Variants in NUGGC observed in about 807,000 individuals in gnomAD.
The protein encoded by NUGGC is nuclear GTPase SLIP-GC.
In NUGGC, 58 loss-of-function variants were observed where a neutral mutation model predicts 92.6. The observed-to-expected ratio is 0.63, with a 90% CI of 0.51 to 0.78. The LOEUF (loss-of-function observed/expected upper bound fraction) is 0.78. Among genes scored for constraint, NUGGC ranks in the 30% least tolerant of loss-of-function variants. NUGGC has a pLI of 0.00. For missense variants in NUGGC, 925 were observed against 964.6 expected, an observed-to-expected ratio of 0.96 and a Z score of 0.54; for synonymous variants, 376 against 366.4, an observed-to-expected ratio of 1.03 and a Z score of -0.30.
chr8:28,035,701 G>A (rs574288595), intron 13 of NUGGC, among the ~76,000 whole-genome samples: 6 of 152,262 alleles, frequency 3.9e-5, no homozygotes, highest in East Asian at 1.9e-4. Flanking sequence ...CTGATTCAAC[G>A]TGGGGGAGAC....
At position 28,035,141 on chromosome 8, in the gene NUGGC, T is replaced by A. The variant is rs115087743; in HGVS notation, c.1612-1444A>T. 6.0e-3 allele frequency among the ~76,000 whole-genome samples: 907 copies of A among 152,098 alleles called. 13 individuals carry two copies. The highest frequency in any genetic ancestry group is 0.021 in the African/African-American group (866 of 41,530). On this transcript the variant is annotated intron_variant, in intron 13 of 18. Coordinates refer to ENST00000413272, the MANE Select transcript of NUGGC (RefSeq NM_001010906.2). The stretch of plus-strand genomic sequence containing the variant: ...GTTGCTTCTTCTGCTCACAGCAAAC[T>A]CTCAACAGGGTGATCTCTGCCTCAT...
chr8:28,049,153 T>C (rs1346756698), intron 10 of NUGGC, among the ~76,000 whole-genome samples: 3 of 152,190 alleles, frequency 2.0e-5, no homozygotes, highest in African/African-American at 7.2e-5. Context: ...CCACTGGGAC[T>C]GGTGAGAAGC....
chr8:28,060,123 A>G (rs1362000299), intron 8 of NUGGC, among the ~76,000 whole-genome samples: 2 of 151,956 alleles, frequency 1.3e-5, no homozygotes, highest in African/African-American at 4.8e-5. Context: ...TGGGATCATC[A>G]CATCACACAG....
intron 6 of NUGGC, among the ~76,000 whole-genome samples, chr8:28,065,682 G>C (rs1810423789): frequency 6.6e-6 from 1 of 152,116 alleles, no homozygotes; most frequent in Admixed American, 6.5e-5. Context: ...GGGGATTTGG[G>C]ATGTATGGTG....
At position 28,022,078 on chromosome 8, in the gene NUGGC, G is replaced by T. The variant is rs997549; in HGVS notation, c.*1239C>A. On this transcript the variant is annotated 3_prime_UTR_variant, in exon 19 of 19. Coordinates refer to ENST00000413272, the MANE Select transcript of NUGGC (RefSeq NM_001010906.2). Reference sequence around the variant, plus strand: ...TTCTTTTTATGGCTTGTTTTATATCGTGCAATGTTTTTTCTATAATGTTTA... The same window carrying T: ...TTCTTTTTATGGCTTGTTTTATATCTTGCAATGTTTTTTCTATAATGTTTA... 0.54 allele frequency: 81,496 copies of T among 150,196 alleles called. 22,712 individuals carry two copies. The highest frequency in any genetic ancestry group is 0.6 in the Middle Eastern group (177 of 296). The allele number at this position is 150,196 out of a possible 1,614,324, so 9.3% of individuals were successfully genotyped here.
Position 28,069,553 on chromosome 8 carries a change from T to C in NUGGC, c.248A>G (p.Lys83Arg), listed in dbSNP as rs766530134. 23 of 1,559,074 alleles carry C rather than the reference T, an allele frequency of 1.5e-5. No homozygotes were observed. The highest frequency in any genetic ancestry group is 2.7e-5 in the African/African-American group (2 of 73,714). The change falls in exon 4 of 19, where the codon AAG (lysine) becomes AGG (arginine). Residue 83 changes from lysine to arginine, a missense_variant. Lys to Arg is a conservative substitution (Grantham distance 26). Coordinates refer to ENST00000413272, the MANE Select transcript of NUGGC (RefSeq NM_001010906.2). ...FLDDSIPNGVKYLINRLLALI... is the reference protein window; with the variant it reads ...FLDDSIPNGVRYLINRLLALI... The stretch of plus-strand genomic sequence containing the variant: ...CAGATTTCAGACTCACATGAGATAC[T>C]TGACTCCATTAGGGATGCTGTCATC...
intron 1 of NUGGC, among the ~76,000 whole-genome samples, chr8:28,078,443 T>G (rs1204457780): frequency 6.6e-6 from 1 of 152,162 alleles, no homozygotes. Flanking sequence ...TTGAACTAAA[T>G]GATGAGGTGG....
At chr8:28,065,814 A>ATCAATT (rs1349634582) in intron 6 of NUGGC, among the ~76,000 whole-genome samples, 1 of 152,254 alleles carries the variant, frequency 6.6e-6, no homozygotes, top group East Asian at 1.9e-4. Flanking sequence ...AAGAGATTTC[A>ATCAATT]TCAATTTCAA....
At chr8:28,081,246 G>C (rs771942669) in intron 1 of NUGGC, among the ~76,000 whole-genome samples, 7 of 152,094 alleles carry the variant, frequency 4.6e-5, no homozygotes, top group Non-Finnish European at 7.4e-5. Flanking sequence ...TTGAAGCCAG[G>C]AAACAGAGGT....
In NUGGC at chr8:28,029,328, C is replaced by T; in HGVS notation, c.2092G>A (p.Val698Met). Residue 698 changes from valine (V) to methionine (M), a missense_variant, in exon 17 of 19, where the codon GTG becomes ATG. Val to Met is a conservative substitution (Grantham distance 21, BLOSUM62 1). Coordinates refer to ENST00000413272, the MANE Select transcript of NUGGC (RefSeq NM_001010906.2). The part of the protein sequence containing the change: ...DAIRRGVDRQ[V>M]AEGMFERAQE... ...GCCCTTTCAAACATGCCCTCAGCCACCTGCCGGTCCACTCCTCTTCTGATG... is the reference window on the plus strand; with the variant it reads ...GCCCTTTCAAACATGCCCTCAGCCATCTGCCGGTCCACTCCTCTTCTGATG... 6.2e-7 allele frequency: 1 copy of T among 1,611,074 alleles called. No individual in the cohort carries two copies. The highest frequency in any genetic ancestry group is 2.2e-5 in the East Asian group (1 of 44,764).
At chr8:28,081,744 G>A (rs1224870681) in intron 1 of NUGGC, among the ~76,000 whole-genome samples, 1 of 152,070 alleles carries the variant, frequency 6.6e-6, no homozygotes, top group African/African-American at 2.4e-5. Context: ...CAGCCGTTGT[G>A]GCACATGCCT....
At chr8:28,067,413 T>G in intron 6 of NUGGC, 101 bp downstream of exon 6, 1 of 745,286 alleles carries the variant, frequency 1.3e-6, no homozygotes, top group South Asian at 1.8e-5. Context: ...TATTTCTTAT[T>G]TCACACAAAC....
chr8:28,052,266 C>G (rs1280905615), intron 10 of NUGGC, among the ~76,000 whole-genome samples: 1 of 152,186 alleles, frequency 6.6e-6, no homozygotes, highest in African/African-American at 2.4e-5. Context: ...CATCTTGCAA[C>G]TGCTGCAGGC....
chr8:28,065,875 G>GT (rs1810428091), intron 6 of NUGGC, among the ~76,000 whole-genome samples: 1 of 152,178 alleles, frequency 6.6e-6, no homozygotes, highest in African/African-American at 2.4e-5. Context: ...TTAAGACATT[G>GT]TAATTTTAAA....
chr8:28,068,126 G>A, intron 5 of NUGGC, 90 bp downstream of exon 5: 1 of 731,422 alleles, frequency 1.4e-6, no homozygotes, highest in Admixed American at 2.4e-5. Flanking sequence ...GAGGAAGGAA[G>A]GAAGAAAGAA....
At chr8:28,036,843 T>A (rs1296279833) in intron 13 of NUGGC, among the ~76,000 whole-genome samples, 1 of 152,220 alleles carries the variant, frequency 6.6e-6, no homozygotes, top group Non-Finnish European at 1.5e-5. Context: ...GGGAAATGGC[T>A]GCGCTTTAGT....
chr8:28,028,388 G>A lies in NUGGC; in HGVS notation c.2154+878C>T, dbSNP rs141778198. ...TTACATGCTTTGAATTGTAAAGAAG[G>A]ATATTTTCCAAAACTGCAGTCCCGG... is the stretch of plus-strand genomic sequence containing the variant. On this transcript the variant is annotated intron_variant, in intron 17 of 18. Coordinates refer to ENST00000413272, the MANE Select transcript of NUGGC (RefSeq NM_001010906.2). Among the ~76,000 whole-genome samples the A allele has an allele frequency of 2.9e-3, 443 of 152,332 alleles. 2 individuals carry two copies. The highest frequency in any genetic ancestry group is 0.01 in the African/African-American group (429 of 41,572).
intron 1 of NUGGC, among the ~76,000 whole-genome samples, chr8:28,082,461 T>A (rs1419497455): frequency 6.6e-6 from 1 of 152,358 alleles, no homozygotes; most frequent in African/African-American, 2.4e-5. Context: ...CAGGAATTCA[T>A]ACACCTGCCA....
At chr8:28,076,858 A>G (rs1213245918) in intron 1 of NUGGC, among the ~76,000 whole-genome samples, 5 of 152,210 alleles carry the variant, frequency 3.3e-5, no homozygotes, top group South Asian at 2.1e-4. Context: ...CCCAGAGGGT[A>G]GAAATAGATC....
Sources: allele counts gnomAD v4.1 joint callset (sites outside exome capture counted in the v4.1 genomes callset), GRCh38; gene constraint gnomAD v4.1.1; transcripts MANE v1.5; gene names NCBI Gene and HGNC (gene_info 2026-07-23, HGNC 2026-07-21).